The following FBXW2 variants were observed in gnomAD, a reference collection of about 807,000 sequenced individuals.
FBXW2 encodes the protein F-box and WD repeat domain containing 2.
A neutral mutation model predicts 46.0 loss-of-function variants in FBXW2; 12 were observed. That is an observed-to-expected ratio of 0.26 (90% CI 0.17 to 0.42). The LOEUF is 0.42. Ranked by LOEUF, FBXW2 falls within the 10% of genes least tolerant of loss-of-function variation. The pLI is 1.00. For missense variants in FBXW2, 360 were observed against 537.0 expected (o/e 0.67, Z 3.26); for synonymous variants, 203 against 209.6 (o/e 0.97, Z 0.27).
Position 120,759,081 on chromosome 9 carries a change from C to G in FBXW2, c.*5478G>C, listed in dbSNP as rs1428576690. ...AAAAACAGAGCCACCTCAGATCACT[C>G]AAGGGGTTGTTCTATTTTCAAAAAC... On this transcript the variant is annotated 3_prime_UTR_variant, in exon 8 of 8. Transcript: ENST00000608872. The G allele has an allele frequency of 6.6e-6, 1 of 152,166 alleles. No homozygotes were observed. Among genetic ancestry groups the G allele is most frequent in the Non-Finnish European group, 1.5e-5 (1 of 68,030 alleles). 9.4% of individuals were successfully genotyped at this position (152,166 alleles called of 1,614,324 possible).
intron 7 of FBXW2, among the ~76,000 whole-genome samples, chr9:120,768,191 T>G (rs1041149331): frequency 6.6e-6 from 1 of 152,222 alleles, no homozygotes; most frequent in South Asian, 2.1e-4. Flanking sequence ...CTCCTGGTAC[T>G]TAGTTAAGGC....
At chr9:120,784,959 A>C (rs889647120) in intron 3 of FBXW2, among the ~76,000 whole-genome samples, 2 of 151,508 alleles carry the variant, frequency 1.3e-5, no homozygotes, top group African/African-American at 4.8e-5. Context: ...TTGTGAAAAA[A>C]TGGTCAACTG....
intron 3 of FBXW2, among the ~76,000 whole-genome samples, chr9:120,782,914 T>C (rs1443671136): frequency 2.0e-5 from 3 of 152,190 alleles, no homozygotes; most frequent in East Asian, 3.8e-4. Flanking sequence ...TAGTGTATTA[T>C]ATACTGTTTA....
intron 3 of FBXW2, among the ~76,000 whole-genome samples, chr9:120,786,800 A>AACACATGGGCATT (rs1314852359): frequency 1.3e-5 from 2 of 152,240 alleles, no homozygotes; most frequent in African/African-American, 4.8e-5. Flanking sequence ...TGTATTATCT[A>AACACATGGGCATT]ACACATGGGC....
At chr9:120,772,893 T>C in intron 5 of FBXW2, 53 bp from the exon 6 acceptor site, 1 of 1,213,168 alleles carries the variant, frequency 8.2e-7, no homozygotes, top group Non-Finnish European at 1.2e-6. Context: ...GCTCCTATAA[T>C]GATTTTATTC....
intron 3 of FBXW2, among the ~76,000 whole-genome samples, chr9:120,783,458 A>G (rs2044658730): frequency 6.6e-6 from 1 of 152,196 alleles, no homozygotes; most frequent in South Asian, 2.1e-4. Flanking sequence ...AATCTTAATA[A>G]TACTTTAAAA....
rs1319336268 is a variant in FBXW2, at chr9:120,757,848, G to A, written c.*6711C>T. 2 of 152,204 alleles carry A rather than the reference G, an allele frequency of 1.3e-5. No homozygotes were observed. Among genetic ancestry groups the A allele is most frequent in the Non-Finnish European group, 2.9e-5 (2 of 68,038 alleles). The allele number at this position is 152,204 out of a possible 1,614,324, so 9.4% of individuals were successfully genotyped here. Reference sequence around the variant, plus strand: ...CAAATGTACTCAGAACACTTCAGATGTTTACAGGATATGGCAGAAGAGGGA... The same window carrying A: ...CAAATGTACTCAGAACACTTCAGATATTTACAGGATATGGCAGAAGAGGGA... On this transcript the variant is annotated 3_prime_UTR_variant, in exon 8 of 8. Coordinates refer to ENST00000608872, the MANE Select transcript of FBXW2 (RefSeq NM_012164.4).
intron 4 of FBXW2, among the ~76,000 whole-genome samples, chr9:120,777,237 C>G (rs996166333): frequency 2.6e-5 from 4 of 152,248 alleles, no homozygotes; most frequent in African/African-American, 9.6e-5. Flanking sequence ...TTAACATATA[C>G]TTCCATGCAT....
chr9:120,778,047 T>A (rs1368669886), intron 4 of FBXW2, among the ~76,000 whole-genome samples: 1 of 150,708 alleles, frequency 6.6e-6, no homozygotes, highest in Non-Finnish European at 1.5e-5. Flanking sequence ...GTCTGTTCAA[T>A]AGGATATAAA....
chr9:120,791,606 G>T (rs2131388458), intron 2 of FBXW2, among the ~76,000 whole-genome samples: 1 of 152,316 alleles, frequency 6.6e-6, no homozygotes, highest in East Asian at 1.9e-4. Context: ...TGGCAGTAAA[G>T]ATTTCTGTGA....
At position 120,764,553 on chromosome 9, in the gene FBXW2, A is replaced by C. The variant is rs2044241040; in HGVS notation, c.*6T>G. 6.2e-7 allele frequency: 1 copy of C among 1,605,012 alleles called. No individual in the cohort carries two copies. The highest frequency in any genetic ancestry group is 1.7e-5 in the Admixed American group (1 of 59,822). On this transcript the variant is annotated 3_prime_UTR_variant, in exon 8 of 8. Transcript: ENST00000608872. ...CAAAGTCAGTCAGCGGTGGTGGCTCATGGTGTCAGCCGTGCTCCTTCCACA... is the reference window on the plus strand; with the variant it reads ...CAAAGTCAGTCAGCGGTGGTGGCTCCTGGTGTCAGCCGTGCTCCTTCCACA...
Position 120,757,641 on chromosome 9 carries a change from G to C in FBXW2, c.*6918C>G, listed in dbSNP as rs1186446632. The C allele has an allele frequency of 6.6e-6, 1 of 152,190 alleles. No individual in the cohort carries two copies. The highest frequency in any genetic ancestry group is 1.5e-5 in the Non-Finnish European group (1 of 68,024). 9.4% of individuals were successfully genotyped at this position (152,190 alleles called of 1,614,324 possible). On this transcript the variant is annotated 3_prime_UTR_variant, in exon 8 of 8. Transcript: ENST00000608872. ...ACACATGTGCATAAGGATTAGAAGA[G>C]AGTATTAAAAATCGTAATGATAAAG...
intron 2 of FBXW2, among the ~76,000 whole-genome samples, chr9:120,790,452 C>T (rs2131383251): frequency 6.6e-6 from 1 of 152,208 alleles, no homozygotes; most frequent in African/African-American, 2.4e-5. Flanking sequence ...CCACTGCACT[C>T]CAGCCGGGGC....
Position 120,762,487 on chromosome 9 carries a change from G to C in FBXW2, c.*2072C>G, listed in dbSNP as rs1292746825. 2 of 152,208 alleles carry C rather than the reference G, an allele frequency of 1.3e-5. No homozygotes were observed. The highest frequency in any genetic ancestry group is 4.8e-5 in the African/African-American group (2 of 41,448). 9.4% of individuals were successfully genotyped at this position (152,208 alleles called of 1,614,324 possible). A position where few individuals can be genotyped will look rare whatever the true frequency, so the allele number is the denominator to read the frequency against. ...AGAGCTGATGCACAGAACTCAATGTGAGATAGATTAAACCCAGATTTTGTG... is the reference window on the plus strand; with the variant it reads ...AGAGCTGATGCACAGAACTCAATGTCAGATAGATTAAACCCAGATTTTGTG... On this transcript the variant is annotated 3_prime_UTR_variant, in exon 8 of 8. Coordinates refer to ENST00000608872, the MANE Select transcript of FBXW2 (RefSeq NM_012164.4).
At chr9:120,774,609 T>C (rs2044454151) in intron 5 of FBXW2, among the ~76,000 whole-genome samples, 2 of 152,218 alleles carry the variant, frequency 1.3e-5, no homozygotes, top group African/African-American at 4.8e-5. Context: ...GGGTGCCCTT[T>C]TCATTATTGC....
intron 5 of FBXW2, 66 bp from the exon 6 acceptor site, chr9:120,772,906 T>C: frequency 9.1e-7 from 1 of 1,092,922 alleles, no homozygotes; most frequent in Admixed American, 2.1e-5. Context: ...TTTTATTCTT[T>C]AAATTAAAAT....
chr9:120,783,530 C>T (rs1195255539), intron 3 of FBXW2, among the ~76,000 whole-genome samples: 1 of 152,208 alleles, frequency 6.6e-6, no homozygotes, highest in African/African-American at 2.4e-5. Flanking sequence ...GATCTAACAA[C>T]TCTGACCCTG....
Position 120,793,351 on chromosome 9 carries a change from G to C in FBXW2, c.-130+3C>G, listed in dbSNP as rs1053495979. On this transcript the variant is annotated splice_donor_region_variant and intron_variant, in intron 1 of 7. Transcript: ENST00000608872. ...CCCGACCGGCCCCGCCTCGCATACA[G>C]ACCCGGACCTGCGGCCGCTGCTCCC... 9 of 404,488 alleles carry C rather than the reference G, an allele frequency of 2.2e-5. No homozygotes were observed. Among genetic ancestry groups the C allele is most frequent in the Non-Finnish European group, 3.9e-5 (9 of 229,596 alleles). 25.1% of individuals were successfully genotyped at this position (404,488 alleles called of 1,614,324 possible). A position where few individuals can be genotyped will look rare whatever the true frequency, so the allele number is the denominator to read the frequency against.
intron 3 of FBXW2, among the ~76,000 whole-genome samples, chr9:120,783,385 A>G (rs1252044285): frequency 6.6e-6 from 1 of 152,156 alleles, no homozygotes; most frequent in Non-Finnish European, 1.5e-5. Context: ...AAAGAGGACT[A>G]AAGAAATGTG....
Sources: gnomAD v4.1 joint callset for allele counts (sites outside exome capture counted in the v4.1 genomes callset) on GRCh38, gnomAD v4.1.1 for gene constraint, MANE v1.5 for transcripts, NCBI Gene and HGNC (gene_info 2026-07-23, HGNC 2026-07-21) for gene names.